HOPX: variants seen among roughly 807,000 people sequenced by gnomAD.
The protein encoded by HOPX is homeodomain-only protein.
A neutral mutation model predicts 11.8 loss-of-function variants in HOPX; 5 were observed. That is an observed-to-expected ratio of 0.43 (90% CI 0.22 to 0.89). The LOEUF is 0.89. HOPX is among the 40% of genes least tolerant of loss of function. The pLI is 0.28. For synonymous variants in HOPX, 49 were observed against 49.7 expected (o/e 0.99, Z 0.06); for missense variants, 119 against 120.0 (o/e 0.99, Z 0.04).
At chr4:56,670,194 C>T (rs975862979) in intron 1 of HOPX, among the ~76,000 whole-genome samples, 1 of 152,098 alleles carries the variant, frequency 6.6e-6, no homozygotes, top group African/African-American at 2.4e-5. Context: ...GAAACAAAAA[C>T]GGCTTGTCCT....
intron 1 of HOPX, 98 bp from the exon 2 acceptor site, chr4:56,657,997 A>C (rs1717874222): frequency 8.5e-7 from 1 of 1,177,556 alleles, no homozygotes. Context: ...CACCAATTCT[A>C]GCCAAAGTTG....
At chr4:56,656,216 A>G in intron 2 of HOPX, 1 of 1,130,514 alleles carries the variant, frequency 8.8e-7, no homozygotes. Context: ...CCCTGGACTG[A>G]GCGCTGTTGC....
intron 1 of HOPX, 119 bp downstream of exon 1, chr4:56,681,136 C>T: frequency 1.0e-5 from 10 of 968,162 alleles, no homozygotes; most frequent in Non-Finnish European, 1.2e-5. Context: ...TTCCTATTCT[C>T]CCTTTCACCT....
At chr4:56,667,308 G>A (rs1046450772) in intron 1 of HOPX, among the ~76,000 whole-genome samples, 10 of 152,170 alleles carry the variant, frequency 6.6e-5, no homozygotes, top group South Asian at 2.1e-4. Flanking sequence ...GTTTTAGGAC[G>A]TTAGACATTT....
intron 1 of HOPX, among the ~76,000 whole-genome samples, chr4:56,675,422 T>A (rs918539752): frequency 2.0e-5 from 3 of 151,606 alleles, no homozygotes; most frequent in African/African-American, 7.3e-5. Context: ...GTGCTATTAA[T>A]AATTCCACTG....
chr4:56,670,677 A>G (rs1718684159), intron 1 of HOPX, among the ~76,000 whole-genome samples: 1 of 152,146 alleles, frequency 6.6e-6, no homozygotes, highest in Non-Finnish European at 1.5e-5. Context: ...TTAAATGATG[A>G]TAGAAATCAG....
intron 1 of HOPX, chr4:56,659,669 G>A (rs1717990789): frequency 6.6e-6 from 1 of 152,190 alleles, no homozygotes; most frequent in African/African-American, 2.4e-5. Context: ...AAATGTCTAA[G>A]CCCACCTCTT....
Position 56,655,936 on chromosome 4 carries a change from T to C in HOPX, c.119A>G (p.Asn40Ser), listed in dbSNP as rs1717659202. Reference protein sequence around the residue: ...DQVEILEYNFNKVDKHPDSTT... With the variant: ...DQVEILEYNFSKVDKHPDSTT... ...GGAATCCGGGTGCTTGTCGACCTTGTTGAAGTTGTACTCCAGGATTTCCAC... is the reference window on the plus strand; with the variant it reads ...GGAATCCGGGTGCTTGTCGACCTTGCTGAAGTTGTACTCCAGGATTTCCAC... The change falls in exon 3 of 4, where the codon AAC (asparagine) becomes AGC (serine). Residue 40 changes from asparagine to serine, a missense_variant. Coordinates refer to ENST00000420433, the MANE Select transcript of HOPX (RefSeq NM_032495.6). 1 of 1,611,934 alleles carries C rather than the reference T, an allele frequency of 6.2e-7. No homozygotes were observed.
chr4:56,668,273 C>T (rs35297889), intron 1 of HOPX, among the ~76,000 whole-genome samples: 5,894 of 152,134 alleles, frequency 0.039, 170 homozygotes, highest in Middle Eastern at 0.092. Flanking sequence ...ATAAAGAAAG[C>T]GAACAAAGGA....
At chr4:56,676,559 G>A (rs2109553821) in intron 1 of HOPX, 1 of 150,240 alleles carries the variant, frequency 6.7e-6, no homozygotes, top group East Asian at 1.9e-4. Flanking sequence ...TTTTATTTTG[G>A]AGAAACTCTG....
chr4:56,656,045 G>C (rs760646497), intron 2 of HOPX, 33 bp from the exon 3 acceptor site: 5 of 1,524,932 alleles, frequency 3.3e-6, no homozygotes, highest in African/African-American at 1.4e-5. Flanking sequence ...GGCGGTGAGC[G>C]AGGCGTGGAG....
chr4:56,655,755 A>G, intron 3 of HOPX, 102 bp downstream of exon 3: 1 of 1,316,826 alleles, frequency 7.6e-7, no homozygotes, highest in African/African-American at 1.5e-5. Flanking sequence ...GATCATGGGG[A>G]GGGCAGCCCG....
chr4:56,649,215 A>G (rs1560358458), intron 3 of HOPX: 1 of 156,774 alleles, frequency 6.4e-6, no homozygotes, highest in Non-Finnish European at 1.4e-5. Context: ...ATTCCCTTCT[A>G]GAATGTAAGA....
intron 1 of HOPX, chr4:56,663,091 T>C (rs1346429454): frequency 6.6e-6 from 1 of 152,210 alleles, no homozygotes; most frequent in Non-Finnish European, 1.5e-5. Context: ...TCTGATTCCA[T>C]TTTTCACAAG....
intron 1 of HOPX, among the ~76,000 whole-genome samples, chr4:56,677,903 A>G (rs1028559561): frequency 6.6e-6 from 1 of 151,702 alleles, no homozygotes; most frequent in Non-Finnish European, 1.5e-5. Flanking sequence ...TGTCCCCCAG[A>G]ACAGAGTGCC....
intron 1 of HOPX, among the ~76,000 whole-genome samples, chr4:56,659,914 TA>T (rs1718007637): frequency 6.6e-6 from 1 of 152,376 alleles, no homozygotes; most frequent in South Asian, 2.1e-4. Flanking sequence ...CTAATGCTAT[TA>T]ATCTTTTGTA....
intron 3 of HOPX, chr4:56,651,078 G>A: frequency 3.3e-6 from 1 of 302,876 alleles, no homozygotes; most frequent in East Asian, 6.4e-5. Context: ...AAATCTGGAG[G>A]AGGAAAATCT....
At chr4:56,656,928 A>G (rs1443802697) in intron 2 of HOPX, among the ~76,000 whole-genome samples, 1 of 152,164 alleles carries the variant, frequency 6.6e-6, no homozygotes, top group Non-Finnish European at 1.5e-5. Flanking sequence ...AATCCAACTG[A>G]GGAGGATCCA....
intron 3 of HOPX, 109 bp from the exon 4 acceptor site, chr4:56,648,906 A>C: frequency 1.3e-6 from 1 of 799,498 alleles, no homozygotes; most frequent in Non-Finnish European, 2.0e-6. Context: ...GAGAGAATCA[A>C]GGAATGTTCC....
Sources: allele counts gnomAD v4.1 joint callset (sites outside exome capture counted in the v4.1 genomes callset), GRCh38; gene constraint gnomAD v4.1.1; transcripts MANE v1.5; gene names NCBI Gene and HGNC (gene_info 2026-07-23, HGNC 2026-07-21).